CASP8: variants seen among roughly 807,000 people sequenced by gnomAD.
CASP8 encodes the protein caspase 8.
In CASP8, 24 loss-of-function variants were observed where a neutral mutation model predicts 46.3. That is an observed-to-expected ratio of 0.52 (90% CI 0.38 to 0.73). CASP8 has a LOEUF of 0.73. CASP8 is among the 30% of genes least tolerant of loss of function. The pLI, the probability that CASP8 is intolerant of heterozygous loss-of-function variation, is 0.00. For missense variants in CASP8, 460 were observed against 559.0 expected (o/e 0.82, Z 1.79); for synonymous variants, 188 against 200.4 (o/e 0.94, Z 0.52).
chr2:201,275,092 A>T (rs1156693784), intron 6 of CASP8, 139 bp downstream of exon 6: 2 of 693,320 alleles, frequency 2.9e-6, no homozygotes, highest in Non-Finnish European at 5.1e-6. Flanking sequence ...TGTAGAAAAA[A>T]TTCACACAAA....
At chr2:201,264,961 G>C (rs1216399524) in intron 1 of CASP8, among the ~76,000 whole-genome samples, 5 of 152,172 alleles carry the variant, frequency 3.3e-5, no homozygotes, top group Non-Finnish European at 7.3e-5. Flanking sequence ...TCCCTGCAGG[G>C]AACAAACATG....
chr2:201,243,455 T>A (rs1467162915), intron 2 of CASP8, among the ~76,000 whole-genome samples: 1 of 152,238 alleles, frequency 6.6e-6, no homozygotes, highest in Non-Finnish European at 1.5e-5. Context: ...ACAAGCATAA[T>A]GTAAATAATT....
Position 201,260,561 on chromosome 2 carries a change from T to G in CASP8, c.-79T>G, listed in dbSNP as rs1448247849. 2.0e-6 allele frequency: 2 copies of G among 985,312 alleles called. No individual in the cohort carries two copies. The highest frequency in any genetic ancestry group is 1.2e-4 in the Admixed American group (2 of 16,266). The allele number at this position is 985,312 out of a possible 1,614,324, so 61.0% of individuals were successfully genotyped here. On this transcript the variant is annotated 5_prime_UTR_variant, in exon 1 of 9. Coordinates refer to ENST00000673742, the MANE Select transcript of CASP8 (RefSeq NM_001372051.1). ...AGACGTTTGCTCTTGTCTTAGATGCTCAGATGGTAGTGGATAGGCCTGTGA... is the reference window on the plus strand; with the variant it reads ...AGACGTTTGCTCTTGTCTTAGATGCGCAGATGGTAGTGGATAGGCCTGTGA...
chr2:201,281,088 T>C (rs1408102465), intron 7 of CASP8, among the ~76,000 whole-genome samples: 2 of 152,058 alleles, frequency 1.3e-5, no homozygotes, highest in East Asian at 1.9e-4. Context: ...CCAAGGTGGG[T>C]GGGTCACTTG....
chr2:201,283,353 C>A (rs1163001764), intron 7 of CASP8, among the ~76,000 whole-genome samples: 39 of 57,866 alleles, frequency 6.7e-4, no homozygotes, highest in South Asian at 1.0e-3. Flanking sequence ...CGGGCAGAGG[C>A]GCCCCTCACC....
At chr2:201,248,884 A>G (rs1262791377) in intron 2 of CASP8, among the ~76,000 whole-genome samples, 5 of 152,112 alleles carry the variant, frequency 3.3e-5, no homozygotes. Flanking sequence ...AGGATTTCTC[A>G]TAAAGTTTTA....
At chr2:201,275,136 T>C (rs1948547436) in intron 6 of CASP8, among the ~76,000 whole-genome samples, 183 bp downstream of exon 6, 1 of 152,126 alleles carries the variant, frequency 6.6e-6, no homozygotes, top group Non-Finnish European at 1.5e-5. Flanking sequence ...TTTTAAAATG[T>C]GACTCCTTCA....
upstream of CASP8, among the ~76,000 whole-genome samples, chr2:201,256,326 T>C (rs188952687): frequency 8.1e-4 from 124 of 152,326 alleles, 1 homozygote; most frequent in Non-Finnish European, 7.2e-4. Flanking sequence ...TCTTTCAGCC[T>C]CTCTAAGCCT....
At chr2:201,253,216 T>C (rs187296870) in intron 2 of CASP8, among the ~76,000 whole-genome samples, 114 of 150,372 alleles carry the variant, frequency 7.6e-4, no homozygotes, top group African/African-American at 2.7e-3. Flanking sequence ...CTTAAACTCC[T>C]GAGCTCAAGT....
At chr2:201,281,754 T>G (rs1949028324) in intron 7 of CASP8, 9 of 858,982 alleles carry the variant, frequency 1.0e-5, no homozygotes, top group Non-Finnish European at 1.6e-5. Flanking sequence ...GCCTAAATGA[T>G]AGCTTACCCA....
chr2:201,269,706 A>C, intron 2 of CASP8: 1 of 803,816 alleles, frequency 1.2e-6, no homozygotes, highest in South Asian at 1.5e-5. Context: ...TACTAGCCAG[A>C]AGCTAATAAA....
At chr2:201,247,190 CAAAAAAAAAAAAA>C (rs71022356) in intron 2 of CASP8, among the ~76,000 whole-genome samples, 3 of 81,432 alleles carry the variant, frequency 3.7e-5, no homozygotes, top group African/African-American at 5.2e-5. Flanking sequence ...CTGTCTGTCT[CAAAAAAAAAAAAA>C]AAAAAAAAAA....
chr2:201,286,509 A>G lies in CASP8; in HGVS notation c.1355A>G (p.Asn452Ser), dbSNP rs1949568624. The G allele has an allele frequency of 6.2e-7, 1 of 1,613,618 alleles. No homozygotes were observed. Among genetic ancestry groups the G allele is most frequent in the Non-Finnish European group, 8.5e-7 (1 of 1,179,480 alleles). ...ILTEVNYEVS[N>S]KDDKKNMGKQ... The stretch of plus-strand genomic sequence containing the variant: ...ACTGAAGTGAACTATGAAGTAAGCA[A>G]CAAGGATGACAAGAAAAACATGGGG... Residue 452 changes from asparagine (N) to serine (S), a missense_variant, in exon 9 of 9, where the codon AAC becomes AGC. Physicochemically the swap from Asn to Ser is conservative, Grantham distance 46. Transcript: ENST00000673742.
upstream of CASP8, chr2:201,258,120 T>C: frequency 8.2e-7 from 1 of 1,226,164 alleles, no homozygotes; most frequent in Non-Finnish European, 1.2e-6. Context: ...GGAGACCAGA[T>C]TCTGCCTTTC....
chr2:201,268,829 C>A (rs1948014588), intron 2 of CASP8, among the ~76,000 whole-genome samples: 2 of 151,966 alleles, frequency 1.3e-5, no homozygotes, highest in African/African-American at 4.8e-5. Context: ...ATGTTCCCTT[C>A]TCTGTGTCTA....
At position 201,266,466 on chromosome 2, in the gene CASP8, A is replaced by G. The variant is rs753171046; in HGVS notation, c.-21A>G. ...TACCATTTATTTTGACTTAGATTAT[A>G]TTCTCCTGCCTTTTAAAAAGATGGA... is the stretch of plus-strand genomic sequence containing the variant. On this transcript the variant is annotated 5_prime_UTR_variant, in exon 2 of 9. It adds an upstream start codon to the 5' untranslated region. Transcript: ENST00000673742. This position sits in a 1 kb window ranked among gnomAD's most constrained non-coding sequence, Gnocchi z 5.7. The G allele has an allele frequency of 3.0e-5, 49 of 1,609,876 alleles. No homozygotes were observed. The highest frequency in any genetic ancestry group is 4.1e-5 in the Non-Finnish European group (48 of 1,176,258).
At position 201,246,268 on chromosome 2, in the gene CASP8, CAG is replaced by C. The variant is rs1312929030; in HGVS notation, c.-27+12157_-27+12158del. On this transcript the variant is annotated intron_variant, in intron 2 of 6. Coordinates refer to the CASP8 transcript ENST00000264274. The stretch of plus-strand genomic sequence containing the variant: ...TAAAAAGACAGCCCAGGGCACAAAA[CAG>C]GGTGTTGTTCCTGCCTCTGGGTCCC... 2.0e-5 allele frequency among the ~76,000 whole-genome samples: 3 copies of C among 152,302 alleles called. No homozygotes were observed. The South Asian group carries it at 6.2e-4, about 32-fold the overall frequency.
At chr2:201,284,649 C>T (rs1383603611) in intron 7 of CASP8, among the ~76,000 whole-genome samples, 167 bp from the exon 8 acceptor site, 1 of 706 alleles carries the variant, frequency 1.4e-3, no homozygotes, top group East Asian at 0.083. Context: ...TTTGGCTCGG[C>T]ATGAGAGGGA....
intron 2 of CASP8, among the ~76,000 whole-genome samples, chr2:201,268,230 T>C (rs1947965946): frequency 6.6e-6 from 1 of 152,218 alleles, no homozygotes; most frequent in South Asian, 2.1e-4. Flanking sequence ...CAGCCAAGGC[T>C]TGACCATTTT....
Sources: gnomAD v4.1 joint callset for allele counts (sites outside exome capture counted in the v4.1 genomes callset) on GRCh38, gnomAD v4.1.1 for gene constraint, Gnocchi (gnomAD v3.1) non-coding constraint, MANE v1.5 for transcripts, NCBI Gene and HGNC (gene_info 2026-07-23, HGNC 2026-07-21) for gene names.